The following PITPNM3 variants were observed in gnomAD, a reference collection of about 807,000 sequenced individuals.
PITPNM3 encodes the protein membrane-associated phosphatidylinositol transfer protein 3.
Under a neutral mutation model 102.0 loss-of-function variants are expected in PITPNM3, and 26 were observed. The observed-to-expected ratio is 0.25, with a 90% CI of 0.19 to 0.35. The LOEUF (loss-of-function observed/expected upper bound fraction) is 0.35, where lower values mean the gene tolerates loss of function less well. Ranked by LOEUF, PITPNM3 falls within the 10% of genes least tolerant of loss-of-function variation. The pLI, the probability that PITPNM3 is intolerant of heterozygous loss-of-function variation, is 1.00. For synonymous variants in PITPNM3, 578 were observed against 558.6 expected (o/e 1.03, Z -0.49); for missense variants, 1,083 against 1,346.1 (o/e 0.80, Z 3.06).
chr17:6,471,406 T>TGCCCACTCAGTGCC (rs1905069340), intron 11 of PITPNM3, 51 bp from the exon 12 acceptor site: 1 of 1,462,500 alleles, frequency 6.8e-7, no homozygotes, highest in East Asian at 2.4e-5. Context: ...CCAGCAGAGC[T>TGCCCACTCAGTGCC]GCCCACTCAG....
intron 3 of PITPNM3, among the ~76,000 whole-genome samples, chr17:6,513,351 G>A: frequency 6.6e-6 from 1 of 152,024 alleles, no homozygotes; most frequent in Admixed American, 6.6e-5. Context: ...GATTGGAAAG[G>A]GAAAAGTAAA....
At chr17:6,496,133 G>A (rs1451749337) in intron 4 of PITPNM3, among the ~76,000 whole-genome samples, 3 of 152,052 alleles carry the variant, frequency 2.0e-5, no homozygotes, top group Non-Finnish European at 4.4e-5. Flanking sequence ...TGCCTTCTTG[G>A]TTTCCTTAAA....
intron 3 of PITPNM3, among the ~76,000 whole-genome samples, chr17:6,516,964 C>T (rs1266056768): frequency 6.6e-6 from 1 of 152,148 alleles, no homozygotes; most frequent in African/African-American, 2.4e-5. Flanking sequence ...AAATTTATCT[C>T]AGACTTCTCA....
chr17:6,473,057 A>C, intron 10 of PITPNM3: 1 of 582,726 alleles, frequency 1.7e-6, no homozygotes, highest in Non-Finnish European at 3.1e-6. Context: ...CCCTTCCCCA[A>C]TCAGGCTTGC....
chr17:6,504,545 G>C (rs1907374053), intron 3 of PITPNM3, among the ~76,000 whole-genome samples: 1 of 152,158 alleles, frequency 6.6e-6, no homozygotes, highest in African/African-American at 2.4e-5. Context: ...GGTAAACAAT[G>C]GGAAGAGTGT....
intron 2 of PITPNM3, among the ~76,000 whole-genome samples, chr17:6,533,905 G>A (rs375841299): frequency 3.3e-5 from 5 of 152,166 alleles, no homozygotes; most frequent in South Asian, 2.1e-4. Context: ...ATGGACGGAC[G>A]CACCATTAAT....
intron 1 of PITPNM3, among the ~76,000 whole-genome samples, chr17:6,553,460 G>A (rs1039019652): frequency 2.0e-5 from 3 of 152,102 alleles, no homozygotes; most frequent in Admixed American, 6.5e-5. Flanking sequence ...GCTCTTGTCC[G>A]ACACAAGCCA....
At chr17:6,471,029 C>A (rs1477773049) in intron 12 of PITPNM3, 132 bp downstream of exon 12, 1 of 1,069,718 alleles carries the variant, frequency 9.3e-7, no homozygotes, top group East Asian at 2.6e-5. Flanking sequence ...AGAAGCAAGC[C>A]CCCAGGACTT....
chr17:6,552,281 T>C (rs1050351560), intron 1 of PITPNM3, among the ~76,000 whole-genome samples: 1 of 152,082 alleles, frequency 6.6e-6, no homozygotes, highest in Non-Finnish European at 1.5e-5. Context: ...GGCTGTTCAC[T>C]CTGCTCCTGC....
intron 3 of PITPNM3, among the ~76,000 whole-genome samples, chr17:6,504,199 C>G (rs1035581073): frequency 1.3e-5 from 2 of 152,150 alleles, no homozygotes; most frequent in Non-Finnish European, 2.9e-5. Context: ...ACTCGAGAAT[C>G]CTTCCCCATG....
rs1488604005 is a variant in PITPNM3, at chr17:6,470,487, C to T, written c.1625-79G>A. 6.3e-7 allele frequency: 1 copy of T among 1,596,398 alleles called. No individual in the cohort carries two copies. The highest frequency in any genetic ancestry group is 8.6e-7 in the Non-Finnish European group (1 of 1,166,558). Reference sequence around the variant, plus strand: ...AGGGGCAGCGGGGTCTCCCATTGCACAGACTGGTGGTGGATGCCCCACGTG... The same window carrying T: ...AGGGGCAGCGGGGTCTCCCATTGCATAGACTGGTGGTGGATGCCCCACGTG... On this transcript the variant is annotated intron_variant, in intron 12 of 19. Transcript: ENST00000262483. The surrounding 1 kb of genome is among the most constrained non-coding windows in gnomAD (Gnocchi z 4.8).
At chr17:6,535,522 T>C (rs1470796678) in intron 2 of PITPNM3, among the ~76,000 whole-genome samples, 2 of 151,768 alleles carry the variant, frequency 1.3e-5, no homozygotes, top group African/African-American at 4.8e-5. Flanking sequence ...AGAGGGCAGA[T>C]GGGAGGGAGG....
In PITPNM3 at chr17:6,478,485, C is replaced by T; in HGVS notation, c.777+62G>A. ...CTTGGCCCTTTCAGTAGATTCCAGC[C>T]TCTCTCCCAGGCCGGGGCCGGAACA... On this transcript the variant is annotated intron_variant, in intron 7 of 19. Transcript: ENST00000262483. This position sits in a 1 kb window ranked among gnomAD's most constrained non-coding sequence, Gnocchi z 4.4. 4 of 1,591,364 alleles carry T rather than the reference C, an allele frequency of 2.5e-6. No individual in the cohort carries two copies. Among genetic ancestry groups the T allele is most frequent in the Non-Finnish European group, 2.6e-6 (3 of 1,162,586 alleles).
chr17:6,506,909 A>G (rs1214619852), intron 3 of PITPNM3, among the ~76,000 whole-genome samples: 2 of 152,256 alleles, frequency 1.3e-5, no homozygotes, highest in Non-Finnish European at 2.9e-5. Flanking sequence ...CATCCAGGGT[A>G]GACAAGAGTA....
intron 18 of PITPNM3, 82 bp downstream of exon 18, chr17:6,461,291 C>A: frequency 6.6e-7 from 1 of 1,503,896 alleles, no homozygotes; most frequent in Non-Finnish European, 9.2e-7. Flanking sequence ...AGGCCCCACC[C>A]GGGAGGAGGG....
chr17:6,513,634 TGAAA>T (rs1310688224), intron 3 of PITPNM3, among the ~76,000 whole-genome samples: 1 of 152,176 alleles, frequency 6.6e-6, no homozygotes, highest in Non-Finnish European at 1.5e-5. Flanking sequence ...AAAACATCAT[TGAAA>T]GAAAGAAGAC....
At chr17:6,526,606 T>C (rs543750259) in intron 2 of PITPNM3, among the ~76,000 whole-genome samples, 1 of 152,360 alleles carries the variant, frequency 6.6e-6, no homozygotes, top group East Asian at 1.9e-4. Flanking sequence ...CCCCCAATTC[T>C]GGTTAGGACA....
chr17:6,536,536 G>T (rs570587718), intron 2 of PITPNM3, among the ~76,000 whole-genome samples: 217 of 152,220 alleles, frequency 1.4e-3, no homozygotes, highest in African/African-American at 4.9e-3. Flanking sequence ...GGGGTTCCCC[G>T]CCCAGAGCCA....
rs1914046545 is a variant in PITPNM3 at position 6,455,461 on chromosome 17, C to T, written c.2802G>A (p.Pro934=). The part of the protein sequence containing the change: ...RRTMSVQQPD[P]PAANPKPERA... The stretch of plus-strand genomic sequence containing the variant: ...GCTCGGGCTTGGGGTTGGCGGCGGG[C>T]GGGTCGGGCTGCTGCACTGACATGG... Residue 934 remains proline (P), a synonymous_variant, in exon 20 of 20, where the codon CCG becomes CCA. Transcript: ENST00000262483. The T allele has an allele frequency of 6.2e-7, 1 of 1,604,250 alleles. No individual in the cohort carries two copies. The highest frequency in any genetic ancestry group is 1.1e-5 in the South Asian group (1 of 91,026).
Sources: allele counts gnomAD v4.1 joint callset (sites outside exome capture counted in the v4.1 genomes callset), GRCh38; gene constraint gnomAD v4.1.1; non-coding constraint Gnocchi (gnomAD v3.1); transcripts MANE v1.5; gene names NCBI Gene and HGNC (gene_info 2026-07-23, HGNC 2026-07-21).